Variants in RRM2 observed in about 807,000 individuals in gnomAD.
The protein encoded by RRM2 is ribonucleotide reductase regulatory subunit M2.
A neutral mutation model predicts 45.9 loss-of-function variants in RRM2; 6 were observed. That is an observed-to-expected ratio of 0.13 (90% CI 0.07 to 0.26). The LOEUF is 0.26. Ranked by LOEUF, RRM2 falls within the 10% of genes least tolerant of loss-of-function variation. RRM2 has a pLI of 1.00. For synonymous variants in RRM2, 177 were observed against 173.0 expected (o/e 1.02, Z -0.18); for missense variants, 343 against 489.5 (o/e 0.70, Z 2.82).
chr2:10,201,219 G>A (rs1664565063), intron 3 of RRM2, among the ~76,000 whole-genome samples: 1 of 151,772 alleles, frequency 6.6e-6, no homozygotes, highest in Non-Finnish European at 1.5e-5. Context: ...TAACCATACT[G>A]CCATAATTTA....
chr2:10,210,315 C>T (rs1440738936), exon 4 of RRM2: 1 of 1,366,500 alleles, frequency 7.3e-7, no homozygotes, highest in East Asian at 4.6e-5. Flanking sequence ...AATCAGTCTT[C>T]CAGGATCTCA....
intron 3 of RRM2, among the ~76,000 whole-genome samples, chr2:10,197,881 G>T (rs915154142): frequency 6.6e-6 from 1 of 152,088 alleles, no homozygotes; most frequent in African/African-American, 2.4e-5. Flanking sequence ...TTTCAGCACT[G>T]CTGCTGGTGG....
intron 3 of RRM2, among the ~76,000 whole-genome samples, chr2:10,146,413 CAT>C (rs1482973296): frequency 6.6e-6 from 1 of 152,236 alleles, no homozygotes; most frequent in African/African-American, 2.4e-5. Flanking sequence ...TGGTAATTCT[CAT>C]GTGCAGCTAG....
At chr2:10,170,879 G>A (rs1162489896) in intron 3 of RRM2, among the ~76,000 whole-genome samples, 2 of 152,192 alleles carry the variant, frequency 1.3e-5, no homozygotes, top group Non-Finnish European at 2.9e-5. Flanking sequence ...CCAGAAAGAA[G>A]CTGTGTCTGT....
At chr2:10,157,486 G>T (rs191193050) in intron 3 of RRM2, among the ~76,000 whole-genome samples, 1 of 152,258 alleles carries the variant, frequency 6.6e-6, no homozygotes, top group East Asian at 1.9e-4. Flanking sequence ...AACCCCTCTT[G>T]GCTCCTCCCA....
At chr2:10,125,276 G>GCCTTATGAC (rs1450963947) in intron 5 of RRM2, among the ~76,000 whole-genome samples, 2 of 152,210 alleles carry the variant, frequency 1.3e-5, no homozygotes, top group African/African-American at 2.4e-5. Context: ...ACATAAGGCA[G>GCCTTATGAC]AGGCAGCAGT....
rs776427483 is a variant in RRM2 at position 10,142,417 on chromosome 2, C to T, written n.482+42C>T. The T allele has an allele frequency of 4.4e-6, 6 of 1,367,482 alleles. No homozygotes were observed. The African/African-American group carries it at 5.9e-5, about 13-fold the overall frequency. The allele number at this position is 1,367,482 out of a possible 1,614,324, so 84.7% of individuals were successfully genotyped here. Reference sequence around the variant, plus strand: ...ACTCGCACGGTGGGGGAAGAGGGGCCACTGTGGAGGTGGCTTGCGGGGCCT... The same window carrying T: ...ACTCGCACGGTGGGGGAAGAGGGGCTACTGTGGAGGTGGCTTGCGGGGCCT... On this transcript the variant is annotated intron_variant and non_coding_transcript_variant, in intron 3 of 3. Transcript: ENST00000381786.
intron 3 of RRM2, among the ~76,000 whole-genome samples, chr2:10,209,349 C>T (rs1302301442): frequency 6.6e-6 from 1 of 152,090 alleles, no homozygotes; most frequent in Non-Finnish European, 1.5e-5. Context: ...TGAGCCACCG[C>T]ACCCAGCCTG....
At chr2:10,144,587 A>G (rs933644644) in intron 3 of RRM2, among the ~76,000 whole-genome samples, 3 of 152,184 alleles carry the variant, frequency 2.0e-5, no homozygotes, top group Non-Finnish European at 4.4e-5. Context: ...ATCCGCAACA[A>G]ACTGTTCTGG....
chr2:10,200,296 G>A (rs1245016127), intron 3 of RRM2, among the ~76,000 whole-genome samples: 5 of 152,208 alleles, frequency 3.3e-5, no homozygotes, highest in Admixed American at 3.3e-4. Flanking sequence ...TGTGAGTTGG[G>A]TGAATTCTTC....
intron 5 of RRM2, 107 bp from the exon 6 acceptor site, chr2:10,126,768 G>A: frequency 2.6e-6 from 2 of 776,532 alleles, no homozygotes; most frequent in South Asian, 1.8e-5. Context: ...AAGAGGATTG[G>A]CAAATACTTG....
chr2:10,206,770 C>T (rs1282641373), intron 3 of RRM2, among the ~76,000 whole-genome samples: 1 of 152,106 alleles, frequency 6.6e-6, no homozygotes, highest in Non-Finnish European at 1.5e-5. Context: ...GCAGCAAGTA[C>T]AAGAGAGATT....
intron 3 of RRM2, among the ~76,000 whole-genome samples, chr2:10,183,260 T>C (rs368353515): frequency 6.6e-6 from 1 of 152,224 alleles, no homozygotes. Context: ...CAGCACTTAC[T>C]AGCCACATCT....
chr2:10,147,478 G>C (rs536471796), intron 3 of RRM2, among the ~76,000 whole-genome samples: 1 of 151,152 alleles, frequency 6.6e-6, no homozygotes, highest in African/African-American at 2.4e-5. Flanking sequence ...ACAGGGTTTC[G>C]CCCTGTTGCC....
At position 10,122,896 on chromosome 2, in the gene RRM2, C is replaced by T. The variant is rs1465242631; in HGVS notation, c.98C>T (p.Thr33Met). The T allele has an allele frequency of 1.9e-6, 3 of 1,581,924 alleles. No individual in the cohort carries two copies. The highest frequency in any genetic ancestry group is 2.7e-5 in the African/African-American group (2 of 74,592). The change falls in exon 1 of 10, where the codon ACG becomes ATG. Residue 33 changes from threonine (T) to methionine (M), a missense_variant and splice_region_variant. Thr to Met is a moderately conservative substitution (Grantham distance 81). Around this residue, in one of 2 missense-constraint regions of RRM2, gnomAD observed 131 missense variants for 121.4 expected, o/e 1.08. Transcript: ENST00000304567. ...CTCAGCTTGGTCGACAAGGAGAACA[C>T]GGTGAGCCCGCGGGGAGGGCGCTGC... is the stretch of plus-strand genomic sequence containing the variant. Reference protein sequence around the residue: ...KGLSLVDKENTPPALSGTRVL... With the variant: ...KGLSLVDKENMPPALSGTRVL...
chr2:10,138,972 G>T (rs1483046501), upstream of RRM2, among the ~76,000 whole-genome samples: 1 of 152,190 alleles, frequency 6.6e-6, no homozygotes, highest in Non-Finnish European at 1.5e-5. Context: ...GCCGGACGTG[G>T]TGATGGGTGC....
chr2:10,157,379 A>G (rs1663453927), intron 3 of RRM2, among the ~76,000 whole-genome samples: 1 of 152,200 alleles, frequency 6.6e-6, no homozygotes, highest in South Asian at 2.1e-4. Context: ...AAAAATGCAC[A>G]CATCATAAGA....
At chr2:10,174,984 G>A (rs1168265601) in intron 3 of RRM2, among the ~76,000 whole-genome samples, 1 of 152,198 alleles carries the variant, frequency 6.6e-6, no homozygotes. Context: ...AGGAAAAGAT[G>A]CCCAAATATA....
Position 10,123,404 on chromosome 2 carries a change from C to A in RRM2, c.192C>A (p.Ala64=). 1 of 1,606,432 alleles carries A rather than the reference C, an allele frequency of 6.2e-7. No homozygotes were observed. Among genetic ancestry groups the A allele is most frequent in the South Asian group, 1.1e-5 (1 of 90,702 alleles). ...EPTEPKTKAA[A]PGVEDEPLLR... ...CCCAACAGAAAACTAAAGCAGCTGCCCCCGGCGTGGAGGATGAGCCGCTGC... is the reference window on the plus strand; with the variant it reads ...CCCAACAGAAAACTAAAGCAGCTGCACCCGGCGTGGAGGATGAGCCGCTGC... Residue 64 remains alanine (A), a synonymous_variant, in exon 3 of 10, where the codon GCC becomes GCA. Coordinates refer to ENST00000304567, the MANE Select transcript of RRM2 (RefSeq NM_001034.4).
Sources: gnomAD v4.1 joint callset for allele counts (sites outside exome capture counted in the v4.1 genomes callset) on GRCh38, gnomAD v4.1.1 for gene constraint, gnomAD v4.1.1 regional missense constraint, MANE v1.5 for transcripts, NCBI Gene and HGNC (gene_info 2026-07-23, HGNC 2026-07-21) for gene names.